The following CELF2 variants were observed in gnomAD, a reference collection of about 807,000 sequenced individuals.
CELF2 encodes the protein CUGBP Elav-like family member 2.
In CELF2, 8 loss-of-function variants were observed where a neutral mutation model predicts 62.6. That is an observed-to-expected ratio of 0.13 (90% CI 0.07 to 0.23). The LOEUF (loss-of-function observed/expected upper bound fraction) is 0.23, where lower values mean the gene tolerates loss of function less well. Among genes scored for constraint, CELF2 ranks in the 10% least tolerant of loss-of-function variants. The pLI, the probability that CELF2 is intolerant of heterozygous loss-of-function variation, is 1.00. For synonymous variants in CELF2, 258 were observed against 250.0 expected, an observed-to-expected ratio of 1.03 and a Z score of -0.30; for missense variants, 333 against 671.0, an observed-to-expected ratio of 0.50 and a Z score of 5.56.
rs1450933176 is a variant in CELF2, at chr10:11,290,436, G to C, written c.976+1884G>C. Among the ~76,000 whole-genome samples, 1 of 151,882 alleles carries C rather than the reference G, an allele frequency of 6.6e-6. No homozygotes were observed. Among genetic ancestry groups the C allele is most frequent in the African/African-American group, 2.4e-5 (1 of 41,334 alleles). ...TCCGTTCCAGCCCACGTTGGGAGGA[G>C]TGTGAGCTTGTTGCAACCTTCTTAA... On this transcript the variant is annotated intron_variant, in intron 9 of 12. Coordinates refer to ENST00000633077, the MANE Select transcript of CELF2 (RefSeq NM_001326342.2). The surrounding 1 kb of genome is among the most constrained non-coding windows in gnomAD (Gnocchi z 4.3).
intron 1 of CELF2, among the ~76,000 whole-genome samples, chr10:10,914,860 G>A (rs1450832172): frequency 1.3e-5 from 2 of 152,146 alleles, no homozygotes; most frequent in East Asian, 1.9e-4. Context: ...CAGGCATGAT[G>A]GCTCACACCT....
upstream of CELF2, among the ~76,000 whole-genome samples, chr10:11,015,215 T>C (rs1235350380): frequency 2.0e-5 from 3 of 152,218 alleles, no homozygotes; most frequent in Non-Finnish European, 4.4e-5. The surrounding 1 kb of genome is among the most constrained non-coding windows in gnomAD (Gnocchi z 4.8). Flanking sequence ...ATTTTTTTTC[T>C]TCTTTCCAAA....
At chr10:11,252,536 C>T (rs1194086220) in intron 4 of CELF2, among the ~76,000 whole-genome samples, 3 of 152,238 alleles carry the variant, frequency 2.0e-5, no homozygotes, top group Non-Finnish European at 1.5e-5. Context: ...CAGCTTTCGT[C>T]CATCGAGCGA....
chr10:10,992,978 CTTATATATTCTTG>C (rs2053591528), intron 2 of CELF2, among the ~76,000 whole-genome samples: 1 of 152,150 alleles, frequency 6.6e-6, no homozygotes, highest in African/African-American at 2.4e-5. Context: ...TGCTGAAACA[CTTATATATTCTTG>C]TTGTCTCTGT....
At chr10:11,093,289 G>C (rs1353599429) in intron 1 of CELF2, among the ~76,000 whole-genome samples, 1 of 152,130 alleles carries the variant, frequency 6.6e-6, no homozygotes, top group Admixed American at 6.5e-5. Context: ...AATTCCAGTG[G>C]ACTATTCCCA....
chr10:10,927,917 T>G (rs989798510), intron 2 of CELF2, among the ~76,000 whole-genome samples: 1 of 152,202 alleles, frequency 6.6e-6, no homozygotes, highest in African/African-American at 2.4e-5. Context: ...CATAAAATCA[T>G]GTAAGAGTTT....
At chr10:10,705,288 G>A in the CELF2 span, among the ~76,000 whole-genome samples, 1 of 150,708 alleles carries the variant, frequency 6.6e-6, no homozygotes. Flanking sequence ...AATTTGTGAA[G>A]CTCTCAAACT....
At chr10:11,323,879 A>T (rs941178763) in intron 11 of CELF2, among the ~76,000 whole-genome samples, 2 of 152,216 alleles carry the variant, frequency 1.3e-5, no homozygotes, top group African/African-American at 4.8e-5. Flanking sequence ...TCTTCATCTC[A>T]GCCACCTTAG....
the CELF2 span, among the ~76,000 whole-genome samples, chr10:10,707,032 C>T: frequency 6.6e-6 from 1 of 152,306 alleles, no homozygotes; most frequent in East Asian, 1.9e-4. Flanking sequence ...AAAGCCATCC[C>T]GACTCAGGAG....
At chr10:10,711,080 G>C in the CELF2 span, among the ~76,000 whole-genome samples, 1 of 152,116 alleles carries the variant, frequency 6.6e-6, no homozygotes, top group African/African-American at 2.4e-5. Flanking sequence ...GGGTTGCAGT[G>C]GTCCTGGCCT....
At chr10:11,078,026 G>A (rs774816383) in intron 1 of CELF2, among the ~76,000 whole-genome samples, 20 of 152,136 alleles carry the variant, frequency 1.3e-4, no homozygotes, top group Non-Finnish European at 2.4e-4. Context: ...AGTGACCTGC[G>A]TAGGTAGGCT....
At chr10:11,042,002 A>G (rs546016937) in intron 1 of CELF2, among the ~76,000 whole-genome samples, 53 of 152,346 alleles carry the variant, frequency 3.5e-4, no homozygotes, top group Admixed American at 6.5e-4. Flanking sequence ...TTATGGGTAC[A>G]TAGTTAGCCA....
the CELF2 span, among the ~76,000 whole-genome samples, chr10:10,616,675 CGT>C: frequency 8.8e-4 from 118 of 134,062 alleles, no homozygotes; most frequent in Middle Eastern, 4.4e-3. Flanking sequence ...CACCCAAATT[CGT>C]GTGTGTGTGT....
the CELF2 span, among the ~76,000 whole-genome samples, chr10:10,560,788 G>A: frequency 3.3e-5 from 5 of 152,072 alleles, no homozygotes; most frequent in Admixed American, 3.3e-4. Flanking sequence ...CCATCAATGA[G>A]TGGATAAAAA....
intron 1 of CELF2, among the ~76,000 whole-genome samples, chr10:10,832,451 C>CAA (rs1564688309): frequency 6.6e-6 from 1 of 152,080 alleles, no homozygotes; most frequent in African/African-American, 2.4e-5. Flanking sequence ...ACCCGTAGCA[C>CAA]AAGAATCATT....
chr10:10,522,334 A>G, the CELF2 span, among the ~76,000 whole-genome samples: 1,982 of 152,362 alleles, frequency 0.013, 45 homozygotes, highest in African/African-American at 0.045. Flanking sequence ...CAGACAAACT[A>G]GATGTCTCTG....
At chr10:10,602,452 G>T in the CELF2 span, among the ~76,000 whole-genome samples, 1 of 151,348 alleles carries the variant, frequency 6.6e-6, no homozygotes, top group African/African-American at 2.4e-5. Context: ...CTTTTAAATA[G>T]AATAGAACTG....
chr10:10,812,161 C>G (rs563913090), intron 1 of CELF2, among the ~76,000 whole-genome samples: 2 of 152,150 alleles, frequency 1.3e-5, no homozygotes, highest in Non-Finnish European at 2.9e-5. Flanking sequence ...AATGAACTCA[C>G]AGTTCCATGT....
chr10:10,900,353 A>G (rs1244265932), intron 1 of CELF2, among the ~76,000 whole-genome samples: 2 of 152,232 alleles, frequency 1.3e-5, no homozygotes, highest in Admixed American at 6.5e-5. Flanking sequence ...GAATCCAACA[A>G]TTTATAGAAA....
Sources: gnomAD v4.1 joint callset for allele counts (sites outside exome capture counted in the v4.1 genomes callset) on GRCh38, gnomAD v4.1.1 for gene constraint, Gnocchi (gnomAD v3.1) non-coding constraint, MANE v1.5 for transcripts, NCBI Gene and HGNC (gene_info 2026-07-23, HGNC 2026-07-21) for gene names.